The following CDKN2B-AS1 variants were observed in gnomAD, a reference collection of about 807,000 sequenced individuals.
The protein encoded by CDKN2B-AS1 is CDKN2B and CDKN2A antisense cis and trans regulatory RNA 1, also known as CDKN2B antisense RNA 1 (non-protein coding).
intron 1 of CDKN2B-AS1, among the ~76,000 whole-genome samples, chr9:22,022,648 A>G (rs1416579749): frequency 6.6e-6 from 1 of 151,970 alleles, no homozygotes; most frequent in Non-Finnish European, 1.5e-5. Flanking sequence ...ATTTACATTT[A>G]AGGTTATGAT....
chr9:22,005,535 C>A lies in CDKN2B-AS1; in HGVS notation n.29+10374C>A. ...GCTAGGGCCTAAGTTGTGGGTTCAC[C>A]ATAACTCCTCAGCAGACATTGGAGT... On this transcript the variant is annotated intron_variant and non_coding_transcript_variant, in intron 1 of 4. Transcript: ENST00000650946. This position sits in a 1 kb window ranked among gnomAD's most constrained non-coding sequence, Gnocchi z 4.9. 3.0e-6 allele frequency: 1 copy of A among 333,214 alleles called. No homozygotes were observed. Among genetic ancestry groups the A allele is most frequent in the Non-Finnish European group, 5.6e-6 (1 of 178,462 alleles). 20.6% of individuals were successfully genotyped at this position (333,214 alleles called of 1,614,324 possible).
At chr9:22,075,837 G>T (rs1383492907) in intron 4 of CDKN2B-AS1, among the ~76,000 whole-genome samples, 1 of 152,062 alleles carries the variant, frequency 6.6e-6, no homozygotes, top group Non-Finnish European at 1.5e-5. Flanking sequence ...TCCCAGAAAT[G>T]AACCCCTTTA....
At chr9:22,064,672 G>A (rs1394613474) in intron 4 of CDKN2B-AS1, among the ~76,000 whole-genome samples, 1 of 152,186 alleles carries the variant, frequency 6.6e-6, no homozygotes, top group East Asian at 1.9e-4. Context: ...GTGTGGGTGG[G>A]TTCACTGTGT....
chr9:22,094,320 A>G (rs1489306372), intron 4 of CDKN2B-AS1, among the ~76,000 whole-genome samples: 1 of 143,368 alleles, frequency 7.0e-6, no homozygotes, highest in Non-Finnish European at 1.5e-5. Flanking sequence ...CTTGAGGAGT[A>G]TCTTTGTGGC....
chr9:22,027,891 A>G (rs1822306704), intron 1 of CDKN2B-AS1, among the ~76,000 whole-genome samples: 1 of 152,218 alleles, frequency 6.6e-6, no homozygotes, highest in African/African-American at 2.4e-5. Context: ...AAAAGAGGCT[A>G]TATTTTATTG....
At chr9:22,023,280 C>G (rs1354284598) in intron 1 of CDKN2B-AS1, among the ~76,000 whole-genome samples, 3 of 152,040 alleles carry the variant, frequency 2.0e-5, no homozygotes, top group Non-Finnish European at 4.4e-5. Context: ...TAGATGTGGT[C>G]TCTATATAAT....
intron 4 of CDKN2B-AS1, chr9:22,119,700 A>G (rs1166986503): frequency 6.6e-6 from 1 of 152,210 alleles, no homozygotes; most frequent in Non-Finnish European, 1.5e-5. Context: ...ACATACAGTG[A>G]CATTTTTGGA....
At chr9:22,075,966 T>C (rs1247527999) in intron 4 of CDKN2B-AS1, among the ~76,000 whole-genome samples, 4 of 152,194 alleles carry the variant, frequency 2.6e-5, no homozygotes, top group East Asian at 3.8e-4. Flanking sequence ...ATCTTGCTCT[T>C]TTTGGAAGAG....
rs1054619728 is a variant in CDKN2B-AS1, at chr9:22,012,236, G to A, written n.29+17075G>A. 2.1e-6 allele frequency: 3 copies of A among 1,419,940 alleles called. No individual in the cohort carries two copies. In the African/African-American group the frequency reaches 4.2e-5, roughly 20 times the overall value. The allele number at this position is 1,419,940 out of a possible 1,614,324, so 88.0% of individuals were successfully genotyped here. On this transcript the variant is annotated intron_variant and non_coding_transcript_variant, in intron 1 of 4. Transcript: ENST00000650946. Reference sequence around the variant, plus strand: ...CAGTGACACCATTGAGAATGTCAGTGCGAAAATTCAAGACAAGGAGGGTAT... The same window carrying A: ...CAGTGACACCATTGAGAATGTCAGTACGAAAATTCAAGACAAGGAGGGTAT...
At chr9:22,083,055 TAAC>T (rs568656273) in intron 4 of CDKN2B-AS1, among the ~76,000 whole-genome samples, 5 of 152,280 alleles carry the variant, frequency 3.3e-5, no homozygotes, top group African/African-American at 1.2e-4. Flanking sequence ...TGTGTCATAA[TAAC>T]AAAAACAATA....
chr9:22,106,677 T>G (rs185666003), intron 4 of CDKN2B-AS1, among the ~76,000 whole-genome samples: 40 of 152,318 alleles, frequency 2.6e-4, no homozygotes, highest in African/African-American at 8.7e-4. Flanking sequence ...TGATTATTGA[T>G]GAACCAGTAG....
At chr9:22,037,049 C>T (rs189890055) in intron 1 of CDKN2B-AS1, among the ~76,000 whole-genome samples, 8 of 152,156 alleles carry the variant, frequency 5.3e-5, no homozygotes, top group East Asian at 1.9e-4. Flanking sequence ...TGTCTGGTTT[C>T]GTCACTACGC....
intron 4 of CDKN2B-AS1, among the ~76,000 whole-genome samples, chr9:22,095,230 G>T (rs1207582860): frequency 6.9e-6 from 1 of 144,846 alleles, no homozygotes. Flanking sequence ...CTACTGGGGG[G>T]TGCCTCACAG....
intron 1 of CDKN2B-AS1, among the ~76,000 whole-genome samples, chr9:22,007,294 G>C (rs1244368715): frequency 6.6e-6 from 1 of 152,168 alleles, no homozygotes; most frequent in African/African-American, 2.4e-5. Context: ...TCCTGGAAGA[G>C]GTTGCAGTGA....
intron 4 of CDKN2B-AS1, among the ~76,000 whole-genome samples, chr9:22,079,973 C>T (rs72651090): frequency 6.6e-6 from 1 of 152,214 alleles, no homozygotes; most frequent in Non-Finnish European, 1.5e-5. Flanking sequence ...CTTATGAAAA[C>T]GAATTTTACA....
At chr9:22,061,050 G>C (rs1823798359) in intron 4 of CDKN2B-AS1, among the ~76,000 whole-genome samples, 1 of 152,142 alleles carries the variant, frequency 6.6e-6, no homozygotes, top group African/African-American at 2.4e-5. Context: ...ACAAACTTTT[G>C]AGAATCTTGT....
intron 1 of CDKN2B-AS1, among the ~76,000 whole-genome samples, chr9:22,013,532 G>A (rs1821605429): frequency 6.6e-6 from 1 of 151,958 alleles, no homozygotes; most frequent in Non-Finnish European, 1.5e-5. Context: ...GGTCACTGCT[G>A]CCTCGAATTC....
chr9:22,088,734 A>G (rs1245984323), intron 4 of CDKN2B-AS1, among the ~76,000 whole-genome samples: 1 of 152,228 alleles, frequency 6.6e-6, no homozygotes, highest in Non-Finnish European at 1.5e-5. Flanking sequence ...GGAGGCTTCA[A>G]GAAATGAGAT....
intron 4 of CDKN2B-AS1, among the ~76,000 whole-genome samples, chr9:22,110,672 C>T (rs1334747103): frequency 3.3e-5 from 5 of 151,970 alleles, no homozygotes; most frequent in Non-Finnish European, 7.4e-5. Flanking sequence ...AACCATGTAT[C>T]TAGAGTTTAT....
Sources: allele counts gnomAD v4.1 joint callset (sites outside exome capture counted in the v4.1 genomes callset), GRCh38; gene constraint gnomAD v4.1.1; non-coding constraint Gnocchi (gnomAD v3.1); transcripts MANE v1.5; gene names NCBI Gene and HGNC (gene_info 2026-07-23, HGNC 2026-07-21).